EPB41L5: variants seen among roughly 807,000 people sequenced by gnomAD.
The protein encoded by EPB41L5 is erythrocyte membrane protein band 4.1 like 5, also known as band 4.1-like protein 5.
In EPB41L5, 55 loss-of-function variants were observed where a neutral mutation model predicts 106.6. The observed-to-expected ratio is 0.52, with a 90% confidence interval of 0.42 to 0.65. EPB41L5 has a LOEUF of 0.65. Among genes scored for constraint, EPB41L5 ranks in the 30% least tolerant of loss-of-function variants. EPB41L5 has a pLI of 0.00. For missense variants in EPB41L5, 871 were observed against 882.1 expected, an observed-to-expected ratio of 0.99 and a Z score of 0.16; for synonymous variants, 297 against 306.7, an observed-to-expected ratio of 0.97 and a Z score of 0.33.
intron 24 of EPB41L5, among the ~76,000 whole-genome samples, chr2:120,171,444 C>T (rs150020721): frequency 4.5e-4 from 68 of 152,296 alleles, no homozygotes; most frequent in Middle Eastern, 6.8e-3. Context: ...GAAGTTTTCC[C>T]TCGGGAGGAG....
chr2:120,105,812 G>A (rs1424592521), intron 16 of EPB41L5: 1 of 985,232 alleles, frequency 1.0e-6, no homozygotes, highest in East Asian at 1.1e-4. Context: ...TGTCATGGCT[G>A]ATTTTTTTTC....
chr2:120,132,652 C>T (rs1374200), intron 18 of EPB41L5, among the ~76,000 whole-genome samples: 96,919 of 152,062 alleles, frequency 0.64, 32,209 homozygotes, highest in Middle Eastern at 0.74. Flanking sequence ...AAAGGCTTTC[C>T]ATTTTCTTGA....
At chr2:120,108,341 T>C (rs1684567446) in intron 16 of EPB41L5, 1 of 152,156 alleles carries the variant, frequency 6.6e-6, no homozygotes, top group Non-Finnish European at 1.5e-5. Flanking sequence ...GTTTGACAGC[T>C]GTAGCTCATT....
intron 16 of EPB41L5, among the ~76,000 whole-genome samples, chr2:120,120,248 G>A (rs1008553138): frequency 1.3e-5 from 2 of 151,950 alleles, no homozygotes; most frequent in African/African-American, 2.4e-5. Context: ...GGCCAACATG[G>A]TGAAACCCCA....
At chr2:120,061,708 C>T (rs1018794787) in intron 3 of EPB41L5, among the ~76,000 whole-genome samples, 3 of 152,146 alleles carry the variant, frequency 2.0e-5, no homozygotes, top group African/African-American at 7.2e-5. Context: ...TATCATGCAT[C>T]AGGTGTATCT....
At chr2:120,165,967 CAAAAAAAA>C (rs536664071) in intron 22 of EPB41L5, among the ~76,000 whole-genome samples, 92 of 27,970 alleles carry the variant, frequency 3.3e-3, no homozygotes, top group African/African-American at 9.2e-3. Context: ...GACTCCGTCT[CAAAAAAAA>C]AAAAAAAAAA....
intron 18 of EPB41L5, among the ~76,000 whole-genome samples, chr2:120,142,746 G>A (rs1486061531): frequency 6.6e-6 from 1 of 152,154 alleles, no homozygotes; most frequent in Admixed American, 6.5e-5. Flanking sequence ...TATACAACAG[G>A]TGGTTGGCCA....
chr2:120,115,243 T>A (rs1684894291), intron 16 of EPB41L5, among the ~76,000 whole-genome samples: 1 of 152,240 alleles, frequency 6.6e-6, no homozygotes, highest in South Asian at 2.1e-4. Context: ...CAGTTTAACA[T>A]TTACATTCAG....
intron 10 of EPB41L5, among the ~76,000 whole-genome samples, chr2:120,082,526 T>A (rs1025419310): frequency 1.3e-5 from 2 of 152,164 alleles, no homozygotes; most frequent in South Asian, 4.1e-4. Flanking sequence ...TATTGAGGAT[T>A]TTTGCATCGA....
rs3171818 is a variant in EPB41L5 at position 120,106,751 on chromosome 2, C to T, written c.1337+5937C>T. 1,937 of 985,350 alleles carry T rather than the reference C, an allele frequency of 2.0e-3. 29 individuals carry two copies. The African/African-American group carries it at 0.031, about 16-fold the overall frequency. The allele number at this position is 985,350 out of a possible 1,614,324, so 61.0% of individuals were successfully genotyped here. On this transcript the variant is annotated intron_variant, in intron 16 of 24. Transcript: ENST00000263713. ...AAAGCTAGTGACCTTCACACTTTCA[C>T]GCATGAACATAAATGAGCTCATAAG...
chr2:120,155,594 C>G (rs993992138), intron 20 of EPB41L5, among the ~76,000 whole-genome samples: 2 of 151,978 alleles, frequency 1.3e-5, no homozygotes, highest in Non-Finnish European at 2.9e-5. Context: ...CTTTCTATCC[C>G]TTTCTCTTCT....
intron 2 of EPB41L5, among the ~76,000 whole-genome samples, chr2:120,032,463 T>C (rs1678779220): frequency 6.6e-6 from 1 of 152,234 alleles, no homozygotes; most frequent in Admixed American, 6.5e-5. Context: ...AAGGACTATT[T>C]TGTGCCTGGA....
chr2:120,072,623 C>A (rs1214931588), intron 3 of EPB41L5, among the ~76,000 whole-genome samples: 1 of 152,164 alleles, frequency 6.6e-6, no homozygotes, highest in Non-Finnish European at 1.5e-5. Context: ...AGTTCATGTC[C>A]TTTGCAGGGA....
chr2:120,134,480 C>G (rs1454606403), intron 18 of EPB41L5, among the ~76,000 whole-genome samples: 1 of 152,156 alleles, frequency 6.6e-6, no homozygotes, highest in Admixed American at 6.5e-5. Flanking sequence ...CCACATACCT[C>G]GGGTGAGACC....
chr2:120,036,686 A>G (rs1402687452), intron 2 of EPB41L5, among the ~76,000 whole-genome samples: 1 of 152,190 alleles, frequency 6.6e-6, no homozygotes, highest in Non-Finnish European at 1.5e-5. Flanking sequence ...ACAAGAACAA[A>G]AACTTACTTA....
intron 3 of EPB41L5, among the ~76,000 whole-genome samples, chr2:120,067,782 T>A (rs1336498168): frequency 6.6e-6 from 1 of 152,222 alleles, no homozygotes; most frequent in South Asian, 2.1e-4. Flanking sequence ...ACCTAATTTT[T>A]GGTTATAATC....
chr2:120,109,522 C>T (rs113019319), intron 16 of EPB41L5, among the ~76,000 whole-genome samples: 1 of 152,260 alleles, frequency 6.6e-6, no homozygotes, highest in South Asian at 2.1e-4. Context: ...CCTTGCTTTC[C>T]CTGCTGTTAC....
intron 3 of EPB41L5, among the ~76,000 whole-genome samples, chr2:120,060,616 C>T (rs1374263817): frequency 6.6e-6 from 1 of 152,020 alleles, no homozygotes; most frequent in African/African-American, 2.4e-5. Context: ...GGGATATTGG[C>T]GTTGGGGGAG....
chr2:120,047,802 C>T (rs904754129), intron 3 of EPB41L5, among the ~76,000 whole-genome samples: 2 of 152,188 alleles, frequency 1.3e-5, no homozygotes, highest in African/African-American at 4.8e-5. Context: ...GTGGGTTTGT[C>T]ATAAACAGCT....
Sources: allele counts gnomAD v4.1 joint callset (sites outside exome capture counted in the v4.1 genomes callset), GRCh38; gene constraint gnomAD v4.1.1; transcripts MANE v1.5; gene names NCBI Gene and HGNC (gene_info 2026-07-23, HGNC 2026-07-21).